KSR2: variants seen among roughly 807,000 people sequenced by gnomAD.
KSR2 encodes the protein kinase suppressor of ras 2.
Under a neutral mutation model 107.8 loss-of-function variants are expected in KSR2, and 25 were observed. The observed-to-expected ratio is 0.23, with a 90% CI of 0.17 to 0.32. The LOEUF (loss-of-function observed/expected upper bound fraction) is 0.32, where lower values mean the gene tolerates loss of function less well. KSR2 is among the 10% of genes least tolerant of loss of function. The pLI, the probability that KSR2 is intolerant of heterozygous loss-of-function variation, is 1.00. For synonymous variants in KSR2, 480 were observed against 507.0 expected (o/e 0.95, Z 0.71); for missense variants, 887 against 1,268.9 (o/e 0.70, Z 4.57).
At chr12:117,710,366 A>G (rs1477745165) in intron 4 of KSR2, among the ~76,000 whole-genome samples, 2 of 152,244 alleles carry the variant, frequency 1.3e-5, no homozygotes, top group East Asian at 3.8e-4. Flanking sequence ...GAGCATGGAA[A>G]TAATGGAACA....
intron 14 of KSR2, among the ~76,000 whole-genome samples, chr12:117,506,577 C>T (rs572068011): frequency 2.4e-4 from 37 of 152,310 alleles, no homozygotes; most frequent in African/African-American, 7.7e-4. Flanking sequence ...ACTGTTTCCT[C>T]CCAGCATAGC....
intron 4 of KSR2, among the ~76,000 whole-genome samples, chr12:117,705,032 C>T (rs970630233): frequency 2.6e-5 from 4 of 152,062 alleles, no homozygotes; most frequent in Admixed American, 2.0e-4. Context: ...TGTGCCAGGC[C>T]CTGGGCTAGG....
chr12:117,637,332 T>C (rs1883138817), intron 5 of KSR2, among the ~76,000 whole-genome samples: 1 of 152,204 alleles, frequency 6.6e-6, no homozygotes. Context: ...GTTTCATAAG[T>C]ATGTGTGTAG....
chr12:117,781,577 C>T (rs904329264), intron 3 of KSR2, among the ~76,000 whole-genome samples: 1 of 152,176 alleles, frequency 6.6e-6, no homozygotes, highest in South Asian at 2.1e-4. Flanking sequence ...CCTCACGAAC[C>T]AAACCCACTG....
intron 1 of KSR2, among the ~76,000 whole-genome samples, chr12:117,903,749 T>C (rs1303849149): frequency 6.6e-6 from 1 of 152,226 alleles, no homozygotes; most frequent in Non-Finnish European, 1.5e-5. Context: ...CTCATGACTG[T>C]AATCCCAGAA....
intron 5 of KSR2, among the ~76,000 whole-genome samples, chr12:117,645,235 G>A (rs1010202842): frequency 1.3e-5 from 2 of 152,202 alleles, no homozygotes; most frequent in Non-Finnish European, 2.9e-5. Context: ...GAGAAAGAAT[G>A]TGTGCTGATG....
intron 4 of KSR2, among the ~76,000 whole-genome samples, chr12:117,721,867 G>A (rs4767599): frequency 0.38 from 57,611 of 151,666 alleles, 11,052 homozygotes; most frequent in Middle Eastern, 0.49. Context: ...ATCGGTAGCC[G>A]TAAGATGGGG....
intron 4 of KSR2, among the ~76,000 whole-genome samples, chr12:117,673,610 C>T (rs2136507795): frequency 6.6e-6 from 1 of 152,160 alleles, no homozygotes; most frequent in African/African-American, 2.4e-5. Flanking sequence ...TGCTTCCTAC[C>T]CATCAAGGAA....
intron 7 of KSR2, among the ~76,000 whole-genome samples, chr12:117,563,804 G>C (rs1258439140): frequency 1.3e-5 from 2 of 152,056 alleles, no homozygotes. Flanking sequence ...GCATGACCCA[G>C]AGGCATGCTC....
At chr12:117,571,000 G>A (rs1017801300) in intron 7 of KSR2, among the ~76,000 whole-genome samples, 1 of 152,220 alleles carries the variant, frequency 6.6e-6, no homozygotes, top group African/African-American at 2.4e-5. Context: ...GCTCATGCCT[G>A]TAATCCCAGC....
intron 3 of KSR2, among the ~76,000 whole-genome samples, chr12:117,818,019 T>G (rs1891434369): frequency 1.3e-5 from 2 of 152,080 alleles, no homozygotes. Flanking sequence ...GAGAATCACT[T>G]GAACCCAGGA....
At chr12:117,958,752 C>G (rs953758525) in intron 1 of KSR2, among the ~76,000 whole-genome samples, 4 of 152,144 alleles carry the variant, frequency 2.6e-5, no homozygotes, top group African/African-American at 9.7e-5. Context: ...ACCTGGGAGA[C>G]AGAGGTTGTA....
chr12:117,941,404 G>T (rs1896000806), intron 1 of KSR2, among the ~76,000 whole-genome samples: 1 of 151,884 alleles, frequency 6.6e-6, no homozygotes, highest in African/African-American at 2.4e-5. Flanking sequence ...AGTCTTCCTT[G>T]TCATTGACAT....
At chr12:117,833,060 C>T (rs1046645234) in intron 3 of KSR2, among the ~76,000 whole-genome samples, 3 of 152,044 alleles carry the variant, frequency 2.0e-5, no homozygotes, top group Admixed American at 1.3e-4. Flanking sequence ...GAAGGTGGGG[C>T]GGTATGTAGT....
chr12:117,826,823 G>C (rs1258307077), intron 3 of KSR2, among the ~76,000 whole-genome samples: 1 of 152,036 alleles, frequency 6.6e-6, no homozygotes, highest in African/African-American at 2.4e-5. Context: ...AGTGGCTCAT[G>C]CCTGTAATCC....
intron 6 of KSR2, among the ~76,000 whole-genome samples, chr12:117,580,490 T>C (rs1879578979): frequency 6.6e-6 from 1 of 152,148 alleles, no homozygotes; most frequent in African/African-American, 2.4e-5. Flanking sequence ...TTTCCAGACC[T>C]CTCTTGTGCT....
intron 5 of KSR2, among the ~76,000 whole-genome samples, chr12:117,628,565 C>T (rs1437003008): frequency 2.0e-5 from 3 of 152,172 alleles, no homozygotes; most frequent in African/African-American, 7.2e-5. Flanking sequence ...CTGATCCTTC[C>T]TCTGGAAGCT....
intron 5 of KSR2, among the ~76,000 whole-genome samples, chr12:117,592,016 A>C (rs1032831437): frequency 1.4e-4 from 21 of 152,130 alleles, no homozygotes; most frequent in Non-Finnish European, 2.9e-4. Flanking sequence ...CTCGAAAAAA[A>C]AAAGGTTATA....
intron 3 of KSR2, among the ~76,000 whole-genome samples, chr12:117,792,506 C>T (rs535721690): frequency 6.6e-6 from 1 of 152,288 alleles, no homozygotes; most frequent in Admixed American, 6.5e-5. Context: ...AGAGGATTCT[C>T]GCAAAATTAC....
Sources: allele counts gnomAD v4.1 joint callset (sites outside exome capture counted in the v4.1 genomes callset), GRCh38; gene constraint gnomAD v4.1.1; transcripts MANE v1.5; gene names NCBI Gene and HGNC (gene_info 2026-07-23, HGNC 2026-07-21).